The following CSMD3 variants were observed in gnomAD, a reference collection of about 807,000 sequenced individuals.
CSMD3 encodes CUB and Sushi multiple domains 3, also known as CUB and sushi domain-containing protein 3.
A neutral mutation model predicts 435.2 loss-of-function variants in CSMD3; 177 were observed. The ratio of observed to expected loss-of-function variants is 0.41; its 90% CI spans 0.36 to 0.46. The LOEUF (loss-of-function observed/expected upper bound fraction) is 0.46. CSMD3 is among the 20% of genes least tolerant of loss of function. The pLI is 0.34. For synonymous variants in CSMD3, 1,656 were observed against 1,520.5 expected (o/e 1.09, Z -2.07); for missense variants, 4,265 against 4,504.6 (o/e 0.95, Z 1.52).
chr8:112,739,584 C>T (rs1002043919), intron 13 of CSMD3, among the ~76,000 whole-genome samples: 1 of 151,636 alleles, frequency 6.6e-6, no homozygotes, highest in Non-Finnish European at 1.5e-5. Context: ...CAGGAAGAGT[C>T]TTTTAACTTC....
chr8:113,343,333 G>T (rs1302977101), intron 1 of CSMD3, among the ~76,000 whole-genome samples: 1 of 152,136 alleles, frequency 6.6e-6, no homozygotes, highest in Non-Finnish European at 1.5e-5. Flanking sequence ...AAGCAAAACT[G>T]TAGAACTTGG....
At chr8:112,358,792 G>A (rs1360813975) in intron 38 of CSMD3, among the ~76,000 whole-genome samples, 2 of 152,064 alleles carry the variant, frequency 1.3e-5, no homozygotes, top group Non-Finnish European at 2.9e-5. Context: ...CATGAAACCA[G>A]ACTAATACAA....
In CSMD3 at chr8:112,306,078, T is replaced by G. The variant is rs1369719391; in HGVS notation, c.8000A>C (p.Lys2667Thr). 1.2e-6 allele frequency: 2 copies of G among 1,613,644 alleles called. No individual in the cohort carries two copies. The highest frequency in any genetic ancestry group is 1.7e-6 in the Non-Finnish European group (2 of 1,179,748). ...TTGGCATACAGCTGTAGTGAGTTCT[T>G]TGGATGACAATCGATATCCATCATT... is the stretch of plus-strand genomic sequence containing the variant. ...FCNDGYRLSSKELTTAVCQSD... is the reference protein window; with the variant it reads ...FCNDGYRLSSTELTTAVCQSD... The change falls in exon 51 of 71, where the codon AAA becomes ACA. Residue 2667 changes from lysine (K) to threonine (T), a missense_variant. Coordinates refer to ENST00000297405, the MANE Select transcript of CSMD3 (RefSeq NM_198123.2).
intron 70 of CSMD3, among the ~76,000 whole-genome samples, chr8:112,228,421 T>G (rs975699542): frequency 6.6e-6 from 1 of 152,160 alleles, no homozygotes. Context: ...CCTCTCCAAT[T>G]TAAACTTTAA....
At chr8:112,717,911 AG>A (rs2076768995) in intron 13 of CSMD3, among the ~76,000 whole-genome samples, 1 of 152,002 alleles carries the variant, frequency 6.6e-6, no homozygotes, top group Non-Finnish European at 1.5e-5. Context: ...AGGGCCTGTC[AG>A]GGGGTGGAGG....
chr8:112,833,103 C>CACACTTAAT (rs1329719084), intron 11 of CSMD3, among the ~76,000 whole-genome samples: 1 of 152,076 alleles, frequency 6.6e-6, no homozygotes, highest in African/African-American at 2.4e-5. Flanking sequence ...AGATACTCCA[C>CACACTTAAT]ACACTTAATA....
intron 1 of CSMD3, among the ~76,000 whole-genome samples, chr8:113,320,276 G>A (rs1232001788): frequency 6.6e-6 from 1 of 151,930 alleles, no homozygotes; most frequent in Non-Finnish European, 1.5e-5. Context: ...ATCTTTTAAT[G>A]TGCACTTAAA....
rs1380369180 is a variant in CSMD3, at chr8:112,304,806, A to T, written c.8181T>A (p.Pro2727=). The T allele has an allele frequency of 6.2e-7, 1 of 1,613,864 alleles. No homozygotes were observed. Reference sequence around the variant, plus strand: ...AGGCAGGACCTAGTCCATGATAACCAGGGTCACAGCTGAAAACTACTTTGG... The same window carrying T: ...AGGCAGGACCTAGTCCATGATAACCTGGGTCACAGCTGAAAACTACTTTGG... The part of the protein sequence containing the change: ...YKTKVVFSCD[P]GYHGLGPASI... The change falls in exon 52 of 71, where the codon CCT becomes CCA. Residue 2727 remains proline, a synonymous_variant. Transcript: ENST00000297405.
chr8:112,791,074 G>C (rs2078676580), intron 13 of CSMD3, among the ~76,000 whole-genome samples: 1 of 152,080 alleles, frequency 6.6e-6, no homozygotes, highest in Non-Finnish European at 1.5e-5. Flanking sequence ...TGTAACCTCA[G>C]GTCTTTGGGA....
At position 113,249,047 on chromosome 8, in the gene CSMD3, G is replaced by T. The variant is rs1342478623; in HGVS notation, c.514+29545C>A. On this transcript the variant is annotated intron_variant, in intron 3 of 70. Coordinates refer to ENST00000297405, the MANE Select transcript of CSMD3 (RefSeq NM_198123.2). ...CAGATAGACATAAATGAGTCATGGGGGTGGTTTCCTTCATACTGTTCTCAA... is the reference window on the plus strand; with the variant it reads ...CAGATAGACATAAATGAGTCATGGGTGTGGTTTCCTTCATACTGTTCTCAA... Among the ~76,000 whole-genome samples, 28 of 151,976 alleles carry T rather than the reference G, an allele frequency of 1.8e-4. 1 individual carries two copies. The highest frequency in any genetic ancestry group is 1.8e-3 in the Admixed American group (28 of 15,224).
intron 3 of CSMD3, among the ~76,000 whole-genome samples, chr8:113,199,132 A>G (rs2092691183): frequency 6.6e-6 from 1 of 150,390 alleles, no homozygotes; most frequent in Non-Finnish European, 1.5e-5. Flanking sequence ...TTTGCAACTG[A>G]AAACAACAGC....
Position 112,608,923 on chromosome 8 carries a change from A to C in CSMD3, c.3716-21688T>G, listed in dbSNP as rs116184390. ...TAGAAAACAGAAAAAAGTGCTCTATAATTGTAATTTCAGAGATGATTTTTT... is the reference window on the plus strand; with the variant it reads ...TAGAAAACAGAAAAAAGTGCTCTATCATTGTAATTTCAGAGATGATTTTTT... On this transcript the variant is annotated intron_variant, in intron 22 of 70. Coordinates refer to ENST00000297405, the MANE Select transcript of CSMD3 (RefSeq NM_198123.2). Among the ~76,000 whole-genome samples the C allele has an allele frequency of 6.2e-3, 940 of 152,162 alleles. 14 individuals are homozygous for C. Among genetic ancestry groups the C allele is most frequent in the African/African-American group, 0.022 (905 of 41,560 alleles).
intron 16 of CSMD3, among the ~76,000 whole-genome samples, chr8:112,676,648 A>G (rs1210256156): frequency 1.3e-5 from 2 of 152,126 alleles, no homozygotes; most frequent in East Asian, 3.9e-4. Flanking sequence ...ATAGTTCAGT[A>G]GCATTTTATT....
At chr8:113,172,558 G>C (rs1023227716) in intron 4 of CSMD3, among the ~76,000 whole-genome samples, 1 of 152,170 alleles carries the variant, frequency 6.6e-6, no homozygotes, top group African/African-American at 2.4e-5. Flanking sequence ...ACAAGAAATG[G>C]AACAGGTGTT....
intron 2 of CSMD3, among the ~76,000 whole-genome samples, chr8:113,288,451 T>G (rs1325657353): frequency 6.6e-6 from 1 of 151,888 alleles, no homozygotes; most frequent in Non-Finnish European, 1.5e-5. Context: ...TCTTCAAAAG[T>G]CAACCTTTCC....
intron 5 of CSMD3, among the ~76,000 whole-genome samples, chr8:113,041,740 T>C (rs2087626696): frequency 6.6e-6 from 1 of 152,220 alleles, no homozygotes; most frequent in African/African-American, 2.4e-5. Flanking sequence ...ATTGTGATTT[T>C]CCAAATTGCA....
At chr8:112,928,022 A>C (rs1353048120) in intron 9 of CSMD3, among the ~76,000 whole-genome samples, 1 of 152,106 alleles carries the variant, frequency 6.6e-6, no homozygotes, top group Non-Finnish European at 1.5e-5. Flanking sequence ...AAAGATAATA[A>C]TGCTACCTGT....
At chr8:113,365,689 A>G (rs1304425234) in intron 1 of CSMD3, among the ~76,000 whole-genome samples, 3 of 152,066 alleles carry the variant, frequency 2.0e-5, no homozygotes, top group African/African-American at 7.2e-5. Flanking sequence ...GCCAGCAAAC[A>G]AAAATCGGAC....
At chr8:113,012,003 A>G (rs1189874497) in intron 6 of CSMD3, among the ~76,000 whole-genome samples, 2 of 151,848 alleles carry the variant, frequency 1.3e-5, no homozygotes, top group Non-Finnish European at 2.9e-5. Context: ...TTTCCAAGTG[A>G]AAGTATTTAT....
Sources: allele counts gnomAD v4.1 joint callset (sites outside exome capture counted in the v4.1 genomes callset), GRCh38; gene constraint gnomAD v4.1.1; transcripts MANE v1.5; gene names NCBI Gene and HGNC (gene_info 2026-07-23, HGNC 2026-07-21).